USP10: variants seen among roughly 807,000 people sequenced by gnomAD.
USP10 encodes the protein ubiquitin carboxyl-terminal hydrolase 10.
Under a neutral mutation model 84.5 loss-of-function variants are expected in USP10, and 22 were observed. That is an observed-to-expected ratio of 0.26 (90% CI 0.19 to 0.37). USP10 has a LOEUF of 0.37. Among genes scored for constraint, USP10 ranks in the 10% least tolerant of loss-of-function variants. The pLI, the probability that USP10 is intolerant of heterozygous loss-of-function variation, is 1.00. For missense variants in USP10, 1,019 were observed against 998.9 expected (o/e 1.02, Z -0.27); for synonymous variants, 454 against 387.6 (o/e 1.17, Z -2.01).
At chr16:84,708,098 A>G (rs1356234557) in intron 1 of USP10, among the ~76,000 whole-genome samples, 1 of 151,860 alleles carries the variant, frequency 6.6e-6, no homozygotes, top group Non-Finnish European at 1.5e-5. Context: ...AAGATAAGAA[A>G]TATTTTGAAG....
In USP10 at chr16:84,700,860, G is replaced by A. The variant is rs114776898; in HGVS notation, c.21+749G>A. Among the ~76,000 whole-genome samples, 228 of 152,178 alleles carry A rather than the reference G, an allele frequency of 1.5e-3. 2 individuals carry two copies. Among genetic ancestry groups the A allele is most frequent in the African/African-American group, 4.9e-3 (204 of 41,526 alleles). On this transcript the variant is annotated intron_variant, in intron 1 of 13. Transcript: ENST00000219473. ...AAAGAAAGAGCTCTTTTTGGGAGAT[G>A]TGCGTGTAGAGTTAAGCTCTTATTC...
chr16:84,756,099 C>T (rs1442793917), intron 4 of USP10, among the ~76,000 whole-genome samples: 2 of 140,492 alleles, frequency 1.4e-5, no homozygotes, highest in African/African-American at 5.1e-5. Context: ...CCCCCCGCCC[C>T]CCATCTCCCA....
intron 3 of USP10, among the ~76,000 whole-genome samples, chr16:84,743,019 A>G (rs1023688972): frequency 6.6e-6 from 1 of 152,160 alleles, no homozygotes; most frequent in Admixed American, 6.5e-5. Flanking sequence ...CAGGCTCCAC[A>G]TGGAGCCTTC....
intron 1 of USP10, chr16:84,709,006 A>C (rs995965757): frequency 1.7e-4 from 26 of 152,226 alleles, no homozygotes; most frequent in African/African-American, 6.3e-4. Context: ...TTCCTGTAAC[A>C]CAAGTGTGAA....
At chr16:84,726,675 G>C (rs1908524563) in intron 1 of USP10, among the ~76,000 whole-genome samples, 2 of 152,254 alleles carry the variant, frequency 1.3e-5, no homozygotes, top group African/African-American at 4.8e-5. Flanking sequence ...GATGTGAACA[G>C]TGAGAGTTTT....
chr16:84,732,301 A>AC (rs1909331871), intron 1 of USP10, among the ~76,000 whole-genome samples: 1 of 152,190 alleles, frequency 6.6e-6, no homozygotes, highest in South Asian at 2.1e-4. Context: ...GAACAGAGGA[A>AC]CCACACTCTG....
In USP10 at chr16:84,772,652, A is replaced by G. The variant is rs1597404311; in HGVS notation, c.2110A>G (p.Ile704Val). 1 of 1,614,046 alleles carries G rather than the reference A, an allele frequency of 6.2e-7. No individual in the cohort carries two copies. Among genetic ancestry groups the G allele is most frequent in the African/African-American group, 1.3e-5 (1 of 75,048 alleles). ...TGGGTGCCAGAAGCTTATCAAAAAT[A>G]TTGAATATCCTGTGGACTTGGAAAT... is the stretch of plus-strand genomic sequence containing the variant. Reference protein sequence around the residue: ...TGGCQKLIKNIEYPVDLEISK... With the variant: ...TGGCQKLIKNVEYPVDLEISK... The change falls in exon 12 of 14, where the codon ATT becomes GTT. Residue 704 changes from isoleucine to valine, a missense_variant. By Grantham distance (29) the Ile-to-Val change is conservative. Transcript: ENST00000219473.
At chr16:84,760,136 G>A (rs1567639321) in intron 7 of USP10, 36 bp from the exon 8 acceptor site, 7 of 1,575,014 alleles carry the variant, frequency 4.4e-6, no homozygotes, top group Non-Finnish European at 5.2e-6. Context: ...TGAGTTCATT[G>A]TAGTTAGGAA....
chr16:84,729,299 C>T lies in USP10; in HGVS notation c.22-4136C>T, dbSNP rs542345160. 4.6e-5 allele frequency among the ~76,000 whole-genome samples: 7 copies of T among 152,272 alleles called. No individual in the cohort carries two copies. In the East Asian group the frequency reaches 1.2e-3, roughly 25 times the overall value. On this transcript the variant is annotated intron_variant, in intron 1 of 13. Transcript: ENST00000219473. ...ACTTTGCCAAGAAAGAAATATTTAT[C>T]GTTTTTCAAAATGTGCATTGCAATT...
At position 84,758,750 on chromosome 16, in the gene USP10, A is replaced by G. The variant is rs188752457; in HGVS notation, c.1227A>G (p.Pro409=). ...LLENVTLIHK[P]VSLQPRGLIN... ...AGAATGTAACCCTAATCCATAAACC[A>G]GTGTCGTTGCAACCCCGTGGGCTGA... Residue 409 remains proline (P), a synonymous_variant, in exon 5 of 14, where the codon CCA becomes CCG. Coordinates refer to ENST00000219473, the MANE Select transcript of USP10 (RefSeq NM_005153.3). 5.0e-6 allele frequency: 8 copies of G among 1,613,842 alleles called. No homozygotes were observed. In the East Asian group the frequency reaches 8.9e-5, roughly 18 times the overall value.
chr16:84,704,559 A>T (rs1016497088), intron 1 of USP10, among the ~76,000 whole-genome samples: 1 of 152,216 alleles, frequency 6.6e-6, no homozygotes, highest in Non-Finnish European at 1.5e-5. Flanking sequence ...TCTTTCTTTG[A>T]CCATTTCTGT....
At chr16:84,762,959 C>A (rs769369289) in intron 8 of USP10, 30 bp from the exon 9 acceptor site, 43 of 1,478,896 alleles carry the variant, frequency 2.9e-5, no homozygotes, top group Non-Finnish European at 4.0e-5. Context: ...GATCAGTTCA[C>A]AGTAACGTGA....
intron 4 of USP10, among the ~76,000 whole-genome samples, chr16:84,757,396 G>GGGGTGTGT (rs1555546425): frequency 1.4e-4 from 18 of 127,438 alleles, no homozygotes; most frequent in African/African-American, 5.0e-4. Flanking sequence ...GAATGAGAGG[G>GGGGTGTGT]GTGGGGGTGT....
chr16:84,759,445 G>A lies in USP10; in HGVS notation c.1367G>A (p.Cys456Tyr), dbSNP rs771276752. ...IPLYSKVQRP[C>Y]TSTPMIDSFV... ...CTGTATTCCAAAGTGCAAAGGCCTT[G>A]TACGTCAACACCCATGATAGACAGC... is the stretch of plus-strand genomic sequence containing the variant. The change falls in exon 6 of 14, where the codon TGT becomes TAT. Residue 456 changes from cysteine to tyrosine, a missense_variant. By Grantham distance (194) the Cys-to-Tyr change is radical (BLOSUM62 -2). This residue lies in a region of USP10 where 787 missense variants were observed against 708.8 expected (regional missense o/e 1.11). Transcript: ENST00000219473. The A allele has an allele frequency of 6.2e-7, 1 of 1,613,860 alleles. No homozygotes were observed. Among genetic ancestry groups the A allele is most frequent in the Non-Finnish European group, 8.5e-7 (1 of 1,179,896 alleles).
chr16:84,742,680 C>G (rs7199508), intron 3 of USP10, among the ~76,000 whole-genome samples: 104,926 of 152,122 alleles, frequency 0.69, 37,029 homozygotes, highest in East Asian at 0.95. Flanking sequence ...CTGCCTGGCA[C>G]ATTGGGCTCT....
At chr16:84,774,749 G>A (rs558683403) in intron 12 of USP10, among the ~76,000 whole-genome samples, 16 of 152,308 alleles carry the variant, frequency 1.1e-4, no homozygotes, top group Admixed American at 4.6e-4. Flanking sequence ...GATTACAGGC[G>A]TGAGCCACCG....
At chr16:84,716,017 A>T (rs904892922) in intron 1 of USP10, among the ~76,000 whole-genome samples, 1 of 152,042 alleles carries the variant, frequency 6.6e-6, no homozygotes, top group Non-Finnish European at 1.5e-5. Flanking sequence ...TCGTCCCTCA[A>T]CCAGAGCACT....
rs1236630925 is a variant in USP10, at chr16:84,772,455, G to A, written c.1999-86G>A. On this transcript the variant is annotated intron_variant, in intron 11 of 13. Coordinates refer to ENST00000219473, the MANE Select transcript of USP10 (RefSeq NM_005153.3). ...GGACTCTTGGGCCTCACCTCTCAGA[G>A]GACGTCTTTGAGCGGAAGGTGGATG... 5.1e-6 allele frequency: 8 copies of A among 1,579,660 alleles called. No homozygotes were observed. In the African/African-American group the frequency reaches 6.7e-5, roughly 13 times the overall value.
intron 2 of USP10, among the ~76,000 whole-genome samples, chr16:84,736,965 G>C (rs995415581): frequency 2.0e-5 from 3 of 152,090 alleles, no homozygotes; most frequent in Admixed American, 6.5e-5. Context: ...ATTTTTTGTG[G>C]TTTTAGTAGA....
Sources: gnomAD v4.1 joint callset for allele counts (sites outside exome capture counted in the v4.1 genomes callset) on GRCh38, gnomAD v4.1.1 for gene constraint, gnomAD v4.1.1 regional missense constraint, MANE v1.5 for transcripts, NCBI Gene and HGNC (gene_info 2026-07-23, HGNC 2026-07-21) for gene names.